AFF3: variants seen among roughly 807,000 people sequenced by gnomAD.
The protein encoded by AFF3 is AF4/FMR2 family member 3.
In AFF3, 32 loss-of-function variants were observed where a neutral mutation model predicts 129.7. The observed-to-expected ratio is 0.25, with a 90% confidence interval of 0.19 to 0.33. The LOEUF is 0.33. Ranked by LOEUF, AFF3 falls within the 10% of genes least tolerant of loss-of-function variation. The pLI is 1.00. For missense variants in AFF3, 1,373 were observed against 1,592.0 expected, an observed-to-expected ratio of 0.86 and a Z score of 2.34; for synonymous variants, 644 against 635.4, an observed-to-expected ratio of 1.01 and a Z score of -0.20.
rs75327322 is a variant in AFF3 at position 99,816,040 on chromosome 2, C to CTT, written c.921+21435_921+21436dup. Among the ~76,000 whole-genome samples, 4 of 136,224 alleles carry CTT rather than the reference C, an allele frequency of 2.9e-5. No individual in the cohort carries two copies. In the East Asian group the frequency reaches 8.6e-4, roughly 29 times the overall value. The allele number at this position is 136,224 out of a possible 152,430, so 89.4% of individuals were successfully genotyped here. A position where few individuals can be genotyped will look rare whatever the true frequency, so the allele number is the denominator to read the frequency against. ...TCCAATAGGTCTTGGATGATCTGTTCTTTTTTTTTTTTTTTAAATCTCATT... is the reference window on the plus strand; with the variant it reads ...TCCAATAGGTCTTGGATGATCTGTTCTTTTTTTTTTTTTTTTTAAATCTCATT... On this transcript the variant is annotated intron_variant, in intron 8 of 24. Transcript: ENST00000672756.
intron 1 of AFF3, among the ~76,000 whole-genome samples, chr2:100,130,709 G>A (rs1043749278): frequency 1.3e-5 from 2 of 152,192 alleles, no homozygotes; most frequent in African/African-American, 4.8e-5. Context: ...ATCACTGGCT[G>A]CAGTGTGGGT....
chr2:99,613,588 T>C (rs1238590932), intron 13 of AFF3, among the ~76,000 whole-genome samples: 1 of 152,218 alleles, frequency 6.6e-6, no homozygotes, highest in African/African-American at 2.4e-5. Flanking sequence ...CTTTCTTCAT[T>C]ATATTTGCCA....
At chr2:99,994,304 G>C (rs970135491) in intron 7 of AFF3, among the ~76,000 whole-genome samples, 1 of 152,058 alleles carries the variant, frequency 6.6e-6, no homozygotes, top group African/African-American at 2.4e-5. Flanking sequence ...CATCTTAAAA[G>C]ACATCAAAGC....
At chr2:99,940,029 A>T (rs1322657545) in intron 7 of AFF3, among the ~76,000 whole-genome samples, 1 of 152,208 alleles carries the variant, frequency 6.6e-6, no homozygotes, top group Non-Finnish European at 1.5e-5. Flanking sequence ...ATAAATACTA[A>T]GATCTTAGAC....
chr2:99,999,563 A>G (rs1416677116), intron 7 of AFF3, among the ~76,000 whole-genome samples: 2 of 152,238 alleles, frequency 1.3e-5, no homozygotes, highest in Admixed American at 1.3e-4. Flanking sequence ...CAATTTCTAC[A>G]TTCAGAGCTG....
At chr2:100,091,402 C>A (rs1308581150) in intron 4 of AFF3, among the ~76,000 whole-genome samples, 1 of 149,898 alleles carries the variant, frequency 6.7e-6, no homozygotes, top group African/African-American at 2.5e-5. Context: ...TTTTAAAAAT[C>A]CATTTAAAAC....
chr2:99,941,812 C>T (rs995306551), intron 7 of AFF3, among the ~76,000 whole-genome samples: 2 of 152,202 alleles, frequency 1.3e-5, no homozygotes, highest in Non-Finnish European at 2.9e-5. Context: ...CTAAGGATGA[C>T]ATGATAACGA....
intron 4 of AFF3, among the ~76,000 whole-genome samples, chr2:100,102,410 A>G (rs1690801018): frequency 6.6e-6 from 1 of 152,198 alleles, no homozygotes; most frequent in South Asian, 2.1e-4. Context: ...ACATGCCTTC[A>G]TAAGCCAAAA....
At chr2:99,852,448 A>G (rs757863529) in intron 7 of AFF3, among the ~76,000 whole-genome samples, 1 of 152,188 alleles carries the variant, frequency 6.6e-6, no homozygotes, top group African/African-American at 2.4e-5. Context: ...GAAAAGTCAA[A>G]AGACTAGATA....
chr2:100,075,244 A>G (rs777786813), intron 4 of AFF3, among the ~76,000 whole-genome samples: 2 of 152,252 alleles, frequency 1.3e-5, no homozygotes, highest in Non-Finnish European at 2.9e-5. Flanking sequence ...CAGGGCAAAC[A>G]TCCCTGACTC....
At chr2:99,872,401 T>C (rs1421591053) in intron 7 of AFF3, among the ~76,000 whole-genome samples, 1 of 151,790 alleles carries the variant, frequency 6.6e-6, no homozygotes, top group Non-Finnish European at 1.5e-5. Context: ...AGACAAGCAC[T>C]GAGAAAGACC....
intron 7 of AFF3, among the ~76,000 whole-genome samples, chr2:100,002,232 C>T (rs1559047023): frequency 1.3e-5 from 2 of 152,232 alleles, no homozygotes; most frequent in Non-Finnish European, 2.9e-5. Context: ...TTACAGATGC[C>T]TTTTTTGCCC....
chr2:99,810,790 C>G (rs2105585794), intron 8 of AFF3, among the ~76,000 whole-genome samples: 1 of 152,312 alleles, frequency 6.6e-6, no homozygotes, highest in East Asian at 1.9e-4. Flanking sequence ...AGACCACGTT[C>G]TGTTCTGGAG....
intron 7 of AFF3, among the ~76,000 whole-genome samples, chr2:99,877,270 G>T (rs1333739956): frequency 1.3e-5 from 2 of 152,216 alleles, no homozygotes; most frequent in Non-Finnish European, 2.9e-5. Flanking sequence ...CCACTGAGAA[G>T]TGGGATTGAG....
intron 7 of AFF3, among the ~76,000 whole-genome samples, chr2:99,943,935 G>C (rs1675312056): frequency 1.3e-5 from 2 of 151,210 alleles, no homozygotes; most frequent in African/African-American, 2.4e-5. Flanking sequence ...TTTTGATACA[G>C]GGTTTTGCCC....
At chr2:99,843,715 G>A (rs570113532) in intron 7 of AFF3, among the ~76,000 whole-genome samples, 55 of 152,168 alleles carry the variant, frequency 3.6e-4, no homozygotes, top group Admixed American at 1.0e-3. Flanking sequence ...TTTTAAAATC[G>A]TTAATAATTA....
At chr2:99,735,685 G>T (rs1680196516) in intron 10 of AFF3, among the ~76,000 whole-genome samples, 1 of 152,074 alleles carries the variant, frequency 6.6e-6, no homozygotes, top group African/African-American at 2.4e-5. Context: ...TAGAGATGGG[G>T]TTTCACCACG....
chr2:99,610,348 T>C (rs978799027), intron 13 of AFF3, among the ~76,000 whole-genome samples: 1 of 152,254 alleles, frequency 6.6e-6, no homozygotes, highest in African/African-American at 2.4e-5. Flanking sequence ...AATGCTGTCA[T>C]TTTGAGAATG....
intron 13 of AFF3, among the ~76,000 whole-genome samples, chr2:99,645,377 T>G (rs1416292586): frequency 1.3e-5 from 2 of 152,134 alleles, no homozygotes; most frequent in Non-Finnish European, 2.9e-5. Context: ...AATTTTGCCA[T>G]CTCTTCTTGC....
Sources: allele counts gnomAD v4.1 joint callset (sites outside exome capture counted in the v4.1 genomes callset), GRCh38; gene constraint gnomAD v4.1.1; transcripts MANE v1.5; gene names NCBI Gene and HGNC (gene_info 2026-07-23, HGNC 2026-07-21).